The following IQUB variants were observed in gnomAD, a reference collection of about 807,000 sequenced individuals.
IQUB encodes the protein IQ motif and ubiquitin domain containing.
IQUB carries 86 observed loss-of-function variants against 86.4 expected under a neutral mutation model. The observed-to-expected ratio is 1.00, with a 90% CI of 0.84 to 1.19. The LOEUF is 1.19. Among genes scored for constraint, IQUB ranks in the 50% most tolerant of loss-of-function variants. IQUB has a pLI of 0.00. For missense variants in IQUB, 946 were observed against 916.9 expected (o/e 1.03, Z -0.41); for synonymous variants, 289 against 304.5 (o/e 0.95, Z 0.53).
chr7:123,522,775 C>T (rs994422653), intron 1 of IQUB, among the ~76,000 whole-genome samples: 7 of 151,922 alleles, frequency 4.6e-5, no homozygotes, highest in Non-Finnish European at 8.8e-5. Flanking sequence ...CATATGTATA[C>T]GTGTGACATG....
At chr7:123,518,626 G>C (rs1240453326) in intron 1 of IQUB, among the ~76,000 whole-genome samples, 3 of 151,968 alleles carry the variant, frequency 2.0e-5, no homozygotes, top group African/African-American at 7.2e-5. Context: ...AGGTAGTCTG[G>C]CTCTGTCACC....
intron 11 of IQUB, among the ~76,000 whole-genome samples, chr7:123,460,640 T>C (rs1216872106): frequency 1.3e-5 from 2 of 151,978 alleles, no homozygotes; most frequent in Non-Finnish European, 1.5e-5. Context: ...TAAGTCCTTC[T>C]GTTTTCTCAC....
intron 6 of IQUB, among the ~76,000 whole-genome samples, chr7:123,499,665 G>C (rs1487831776): frequency 6.6e-6 from 1 of 152,148 alleles, no homozygotes; most frequent in African/African-American, 2.4e-5. Flanking sequence ...TAAGGTTCTT[G>C]ACTTATTCAT....
chr7:123,509,788 A>G, intron 3 of IQUB, 113 bp downstream of exon 3: 1 of 893,374 alleles, frequency 1.1e-6, no homozygotes, highest in South Asian at 1.6e-5. Flanking sequence ...GCATAACCAC[A>G]ATATAATGTT....
chr7:123,484,333 AC>A (rs1204220629), intron 7 of IQUB, among the ~76,000 whole-genome samples: 1 of 152,094 alleles, frequency 6.6e-6, no homozygotes, highest in Non-Finnish European at 1.5e-5. Flanking sequence ...AACCAAAAGA[AC>A]TTTAAGAACT....
intron 6 of IQUB, 106 bp downstream of exon 6, chr7:123,502,491 G>A: frequency 1.1e-6 from 1 of 936,462 alleles, no homozygotes; most frequent in Non-Finnish European, 1.7e-6. Context: ...CCATACTCAT[G>A]AGCATTCTTT....
rs142394097 is a variant in IQUB, at chr7:123,512,407, T to C, written c.-4-63A>G. 4.6e-4 allele frequency: 455 copies of C among 978,730 alleles called. 2 individuals are homozygous for C. The African/African-American group carries it at 6.4e-3, about 14-fold the overall frequency. 60.6% of individuals were successfully genotyped at this position (978,730 alleles called of 1,614,324 possible). A position where few individuals can be genotyped will look rare whatever the true frequency, so the allele number is the denominator to read the frequency against. ...GAAGTTTCTACACAAAAAATCAAAT[T>C]CATTGCTAGTATAGAGTAACATTCA... On this transcript the variant is annotated intron_variant, in intron 1 of 12. Coordinates refer to ENST00000324698, the MANE Select transcript of IQUB (RefSeq NM_178827.5).
chr7:123,495,843 A>G (rs1045275905), intron 7 of IQUB, among the ~76,000 whole-genome samples: 2 of 152,176 alleles, frequency 1.3e-5, no homozygotes, highest in African/African-American at 4.8e-5. Context: ...AGTAAAAGGC[A>G]GCTCATCAAA....
chr7:123,498,461 AAGAC>A (rs1361466845), intron 6 of IQUB, among the ~76,000 whole-genome samples: 2 of 152,168 alleles, frequency 1.3e-5, no homozygotes, highest in African/African-American at 2.4e-5. Flanking sequence ...ACCAAGAAAA[AAGAC>A]TGGCAAAAAT....
intron 11 of IQUB, among the ~76,000 whole-genome samples, chr7:123,460,296 C>A (rs1793921283): frequency 6.6e-6 from 1 of 151,900 alleles, no homozygotes; most frequent in Non-Finnish European, 1.5e-5. Context: ...AATTATCATG[C>A]ATGCCTATAT....
chr7:123,516,060 T>C (rs1343486023), intron 1 of IQUB, among the ~76,000 whole-genome samples: 2 of 152,336 alleles, frequency 1.3e-5, no homozygotes, highest in Non-Finnish European at 2.9e-5. Context: ...CAAATTTTAA[T>C]GTGTCTAGAT....
At chr7:123,491,349 G>C (rs960799410) in intron 7 of IQUB, among the ~76,000 whole-genome samples, 1 of 151,342 alleles carries the variant, frequency 6.6e-6, no homozygotes, top group African/African-American at 2.4e-5. Flanking sequence ...GCATAATGAA[G>C]GAAATAAATA....
At chr7:123,494,571 C>T (rs1249727008) in intron 7 of IQUB, among the ~76,000 whole-genome samples, 3 of 151,904 alleles carry the variant, frequency 2.0e-5, no homozygotes, top group Non-Finnish European at 4.4e-5. Context: ...ATATAAGAAA[C>T]TTCATGGATT....
At chr7:123,526,987 G>A (rs1051559020) in intron 1 of IQUB, among the ~76,000 whole-genome samples, 1 of 152,020 alleles carries the variant, frequency 6.6e-6, no homozygotes, top group Admixed American at 6.6e-5. Flanking sequence ...GAAATTCTGG[G>A]TTGAAAATTC....
intron 1 of IQUB, among the ~76,000 whole-genome samples, chr7:123,525,482 T>C (rs568529984): frequency 6.6e-6 from 1 of 152,200 alleles, no homozygotes; most frequent in Non-Finnish European, 1.5e-5. Context: ...TTCTAGTTTA[T>C]TTGCGTAGAG....
At chr7:123,472,837 T>C (rs75809295) in intron 8 of IQUB, among the ~76,000 whole-genome samples, 4,765 of 152,344 alleles carry the variant, frequency 0.031, 222 homozygotes, top group African/African-American at 0.1. Context: ...TTTCTCTTCC[T>C]TATTTCCTTT....
intron 8 of IQUB, among the ~76,000 whole-genome samples, chr7:123,471,639 C>G (rs895466178): frequency 6.6e-6 from 1 of 151,340 alleles, no homozygotes; most frequent in African/African-American, 2.4e-5. Context: ...TTTTCCCCCC[C>G]AAGTTTTTAG....
chr7:123,521,768 C>T (rs1486337920), intron 1 of IQUB, among the ~76,000 whole-genome samples: 5 of 151,844 alleles, frequency 3.3e-5, no homozygotes, highest in Admixed American at 3.3e-4. Flanking sequence ...ATGAATGACC[C>T]AAATAACTAC....
intron 1 of IQUB, among the ~76,000 whole-genome samples, chr7:123,527,309 T>C (rs976729538): frequency 2.6e-5 from 4 of 152,350 alleles, no homozygotes; most frequent in African/African-American, 9.6e-5. Flanking sequence ...CCTTCTTCTC[T>C]CAGCTCGTCA....
Sources: allele counts gnomAD v4.1 joint callset (sites outside exome capture counted in the v4.1 genomes callset), GRCh38; gene constraint gnomAD v4.1.1; transcripts MANE v1.5; gene names NCBI Gene and HGNC (gene_info 2026-07-23, HGNC 2026-07-21).